The following ABLIM3 variants were observed in gnomAD, a reference collection of about 807,000 sequenced individuals.
ABLIM3 encodes the protein actin-binding LIM protein 3.
A neutral mutation model predicts 109.5 loss-of-function variants in ABLIM3; 61 were observed. That is an observed-to-expected ratio of 0.56 (90% CI 0.45 to 0.69). ABLIM3 has a LOEUF of 0.69. ABLIM3 is among the 30% of genes least tolerant of loss of function. The pLI, the probability that ABLIM3 is intolerant of heterozygous loss-of-function variation, is 0.00. For missense variants in ABLIM3, 796 were observed against 889.5 expected (o/e 0.89, Z 1.34); for synonymous variants, 300 against 324.8 (o/e 0.92, Z 0.82).
intron 2 of ABLIM3, among the ~76,000 whole-genome samples, chr5:149,153,254 T>C (rs543464710): frequency 7.2e-5 from 11 of 152,326 alleles, no homozygotes; most frequent in African/African-American, 2.6e-4. Context: ...ATAGAACCTC[T>C]ATCTACCCAG....
At position 149,259,190 on chromosome 5, in the gene ABLIM3, C is replaced by T. The variant is rs1754699088; in HGVS notation, c.*786C>T. 6.8e-5 allele frequency: 74 copies of T among 1,080,986 alleles called. No individual in the cohort carries two copies. Among genetic ancestry groups the T allele is most frequent in the South Asian group, 1.5e-4 (4 of 27,016 alleles). The allele number at this position is 1,080,986 out of a possible 1,614,324, so 67.0% of individuals were successfully genotyped here. A position where few individuals can be genotyped will look rare whatever the true frequency, so the allele number is the denominator to read the frequency against. ...AGCGGAAGTGGGAGATGGAGCAGGG[C>T]ACCTGTTAGAATCAGAGCTGCAGGA... On this transcript the variant is annotated 3_prime_UTR_variant, in exon 24 of 24. Coordinates refer to ENST00000309868, the MANE Select transcript of ABLIM3 (RefSeq NM_014945.5).
In ABLIM3 at chr5:149,258,638, G is replaced by T. The variant is rs184161577; in HGVS notation, c.*234G>T. 43 of 1,253,948 alleles carry T rather than the reference G, an allele frequency of 3.4e-5. 1 individual carries two copies. The Admixed American group carries it at 1.1e-3, about 33-fold the overall frequency. The allele number at this position is 1,253,948 out of a possible 1,614,324, so 77.7% of individuals were successfully genotyped here. On this transcript the variant is annotated 3_prime_UTR_variant, in exon 24 of 24. Coordinates refer to ENST00000309868, the MANE Select transcript of ABLIM3 (RefSeq NM_014945.5). The stretch of plus-strand genomic sequence containing the variant: ...TTTGAGGGGACTCTGTCCTTTTATT[G>T]GGGATCCTTTTTATACTGAAACATC...
chr5:149,237,449 C>A lies in ABLIM3; in HGVS notation c.890C>A (p.Ala297Asp). 6.2e-7 allele frequency: 1 copy of A among 1,613,944 alleles called. No individual in the cohort carries two copies. The highest frequency in any genetic ancestry group is 1.1e-5 in the South Asian group (1 of 91,044). ...CCTGTCCATTTCCCTCTTCCCTAGG[C>A]TAAAGTGGATAATGAGATCCTTAAT... is the stretch of plus-strand genomic sequence containing the variant. ...SIGSPNRVIC[A>D]KVDNEILNYK... The change falls in exon 11 of 24, where the codon GCT (alanine) becomes GAT (aspartate). Residue 297 changes from alanine (A) to aspartate (D), a missense_variant and splice_region_variant. Ala to Asp is a moderately radical substitution (Grantham distance 126, BLOSUM62 -2). Coordinates refer to ENST00000309868, the MANE Select transcript of ABLIM3 (RefSeq NM_014945.5).
chr5:149,150,862 T>TCTCTGTGCCTCACTTCCTC lies in ABLIM3; in HGVS notation c.13+8755_13+8773dup, dbSNP rs375481112. Among the ~76,000 whole-genome samples, 626 of 152,284 alleles carry TCTCTGTGCCTCACTTCCTC rather than the reference T, an allele frequency of 4.1e-3. 4 individuals are homozygous for TCTCTGTGCCTCACTTCCTC. Among genetic ancestry groups the TCTCTGTGCCTCACTTCCTC allele is most frequent in the African/African-American group, 0.015 (606 of 41,536 alleles). On this transcript the variant is annotated intron_variant, in intron 2 of 23. Coordinates refer to ENST00000309868, the MANE Select transcript of ABLIM3 (RefSeq NM_014945.5). ...GTATCCTTAGGCAAGTCACTTACCT[T>TCTCTGTGCCTCACTTCCTC]CTCTGTGCCTCACTTCCTCATCTCT...
chr5:149,205,814 C>T (rs1439970760), intron 5 of ABLIM3, among the ~76,000 whole-genome samples: 1 of 152,190 alleles, frequency 6.6e-6, no homozygotes, highest in Non-Finnish European at 1.5e-5. Context: ...AGGCGGAGTA[C>T]TGTGGGAACT....
chr5:149,174,436 C>T (rs1255957820), intron 2 of ABLIM3: 1 of 152,206 alleles, frequency 6.6e-6, no homozygotes, highest in East Asian at 1.9e-4. Flanking sequence ...TCTCAGGAAG[C>T]AAATGTTGTG....
chr5:149,233,330 C>T (rs1349876565), intron 10 of ABLIM3, 30 bp downstream of exon 10: 1 of 1,605,310 alleles, frequency 6.2e-7, no homozygotes. Flanking sequence ...CACCAAAGGG[C>T]CTTCTTTATT....
intron 2 of ABLIM3, among the ~76,000 whole-genome samples, chr5:149,150,242 C>G (rs1753307278): frequency 6.6e-6 from 1 of 152,188 alleles, no homozygotes; most frequent in South Asian, 2.1e-4. Context: ...CCTTCCTCTG[C>G]TAATGCCATT....
rs4379178 is a variant in ABLIM3, at chr5:149,147,340, C to T, written c.13+5232C>T. Reference sequence around the variant, plus strand: ...GAGATAATCATATTTTTTTGTTTTTCATTCCGTTTATGTGGCGAATCAATT... The same window carrying T: ...GAGATAATCATATTTTTTTGTTTTTTATTCCGTTTATGTGGCGAATCAATT... On this transcript the variant is annotated intron_variant, in intron 2 of 23. Transcript: ENST00000309868. Among the ~76,000 whole-genome samples, 1,227 of 151,856 alleles carry T rather than the reference C, an allele frequency of 8.1e-3. 89 individuals carry two copies. In the East Asian group the frequency reaches 0.15, roughly 19 times the overall value.
At chr5:149,197,960 G>A (rs1044275676) in intron 3 of ABLIM3, among the ~76,000 whole-genome samples, 1 of 152,086 alleles carries the variant, frequency 6.6e-6, no homozygotes, top group African/African-American at 2.4e-5. Context: ...AAGCTCTCGG[G>A]GTGATACTGA....
At chr5:149,237,900 T>G (rs1006340178) in intron 11 of ABLIM3, among the ~76,000 whole-genome samples, 1 of 152,194 alleles carries the variant, frequency 6.6e-6, no homozygotes, top group African/African-American at 2.4e-5. Context: ...CCCGACTCCC[T>G]GTTAATCCCA....
intron 22 of ABLIM3, 151 bp from the exon 23 acceptor site, chr5:149,252,606 G>A (rs1389956417): frequency 4.6e-6 from 3 of 658,540 alleles, no homozygotes; most frequent in Non-Finnish European, 8.0e-6. Context: ...AGACTGCTGG[G>A]CAACCCCAAG....
intron 2 of ABLIM3, among the ~76,000 whole-genome samples, chr5:149,143,411 CTA>C (rs920253500): frequency 3.3e-5 from 5 of 151,632 alleles, no homozygotes; most frequent in Admixed American, 2.0e-4. Flanking sequence ...ATCTAAGAAT[CTA>C]CACTTTTTTT....
In ABLIM3 at chr5:149,224,595, G is replaced by A. The variant is rs771490669; in HGVS notation, c.758-6054G>A. On this transcript the variant is annotated intron_variant, in intron 8 of 23. Transcript: ENST00000309868. The stretch of plus-strand genomic sequence containing the variant: ...TGCTGCAGCCCCCTCGCTCACCCAG[G>A]CCCCAGCTCCCTGCTCCCCTCAAGT... 2.6e-5 allele frequency among the ~76,000 whole-genome samples: 4 copies of A among 152,100 alleles called. No individual in the cohort carries two copies. In the East Asian group the frequency reaches 5.8e-4, roughly 22 times the overall value.
chr5:149,168,028 T>C (rs527535658), intron 2 of ABLIM3, among the ~76,000 whole-genome samples: 6 of 152,264 alleles, frequency 3.9e-5, no homozygotes. Context: ...CTCCCCAGCC[T>C]CTACCCACTA....
intron 2 of ABLIM3, among the ~76,000 whole-genome samples, chr5:149,171,427 T>C (rs1023024511): frequency 6.6e-6 from 1 of 152,224 alleles, no homozygotes; most frequent in Non-Finnish European, 1.5e-5. Flanking sequence ...AAAATACTAC[T>C]ATCCCCATTT....
chr5:149,259,658 G>A lies in ABLIM3; in HGVS notation c.*1254G>A. The A allele has an allele frequency of 7.0e-7, 1 of 1,418,594 alleles. No individual in the cohort carries two copies. Among genetic ancestry groups the A allele is most frequent in the African/African-American group, 1.4e-5 (1 of 70,734 alleles). 87.9% of individuals were successfully genotyped at this position (1,418,594 alleles called of 1,614,324 possible). ...GGCTTCCCTTCCTGCTCGCCTCCCT[G>A]AACAGGGGAGAAAGCTTAACCTCTC... On this transcript the variant is annotated 3_prime_UTR_variant, in exon 24 of 24. Transcript: ENST00000309868.
chr5:149,178,388 A>AC (rs1382918393), intron 2 of ABLIM3, among the ~76,000 whole-genome samples: 1 of 152,164 alleles, frequency 6.6e-6, no homozygotes, highest in Non-Finnish European at 1.5e-5. Context: ...TCATTGCTGA[A>AC]CCAGTGGATT....
chr5:149,256,344 C>T (rs144053192), intron 23 of ABLIM3, among the ~76,000 whole-genome samples: 2 of 152,360 alleles, frequency 1.3e-5, no homozygotes, highest in African/African-American at 4.8e-5. Context: ...TGCAGTTTCC[C>T]TCTGTCTTTA....
Sources: allele counts gnomAD v4.1 joint callset (sites outside exome capture counted in the v4.1 genomes callset), GRCh38; gene constraint gnomAD v4.1.1; transcripts MANE v1.5; gene names NCBI Gene and HGNC (gene_info 2026-07-23, HGNC 2026-07-21).